Variants in PTGS1 observed in about 807,000 individuals in gnomAD.
PTGS1 encodes the protein prostaglandin-endoperoxide synthase 1, also known as prostaglandin G/H synthase 1.
Under a neutral mutation model 63.0 loss-of-function variants are expected in PTGS1, and 40 were observed. The ratio of observed to expected loss-of-function variants is 0.63; its 90% CI spans 0.49 to 0.83. The LOEUF is 0.83. PTGS1 is among the 40% of genes least tolerant of loss of function. The pLI is 0.00. For missense variants in PTGS1, 709 were observed against 786.5 expected (o/e 0.90, Z 1.18); for synonymous variants, 298 against 301.9 (o/e 0.99, Z 0.13).
Position 122,381,441 on chromosome 9 carries a change from C to T in PTGS1, c.567C>T (p.Asp189=), listed in dbSNP as rs907158454. 2.5e-6 allele frequency: 4 copies of T among 1,614,208 alleles called. No individual in the cohort carries two copies. The highest frequency in any genetic ancestry group is 1.1e-5 in the South Asian group (1 of 91,092). ...TGCTCAGGAGGAAGTTCATACCTGA[C>T]CCCCAAGGCACCAACCTCATGTTTG... ...RFLLRRKFIP[D]PQGTNLMFAF... is the part of the protein sequence containing the mutation. Residue 189 remains aspartate, a synonymous_variant, in exon 6 of 11, where the codon GAC becomes GAT. Coordinates refer to ENST00000362012, the MANE Select transcript of PTGS1 (RefSeq NM_000962.4).
chr9:122,378,534 A>G lies in PTGS1; in HGVS notation c.313A>G (p.Thr105Ala). The G allele has an allele frequency of 6.2e-7, 1 of 1,614,112 alleles. No homozygotes were observed. The highest frequency in any genetic ancestry group is 8.5e-7 in the Non-Finnish European group (1 of 1,180,016). ...GRWFWEFVNA[T>A]FIREMLMRLV... The stretch of plus-strand genomic sequence containing the variant: ...CTGGTTCTGGGAGTTTGTCAATGCC[A>G]CCTTCATCCGAGAGATGCTCATGCG... The change falls in exon 4 of 11, where the codon ACC (threonine) becomes GCC (alanine). Residue 105 changes from threonine to alanine, a missense_variant. Coordinates refer to ENST00000362012, the MANE Select transcript of PTGS1 (RefSeq NM_000962.4).
At chr9:122,370,711 G>C, upstream of PTGS1, 1 of 456,100 alleles carries the variant, frequency 2.2e-6, no homozygotes, top group Non-Finnish European at 3.9e-6. Context: ...TCTCTGCGGG[G>C]CAGGGTATGT....
rs10306142 is a variant in PTGS1 at position 122,379,503 on chromosome 9, T to A, written c.496+585T>A. On this transcript the variant is annotated intron_variant, in intron 5 of 10. Transcript: ENST00000362012. ...GCTCATCAGTCCACTGCTGCTATAC[T>A]CCAGTTCCTGCCACATGGTGGCACT... Among the ~76,000 whole-genome samples, 832 of 152,354 alleles carry A rather than the reference T, an allele frequency of 5.5e-3. 4 individuals carry two copies. Among genetic ancestry groups the A allele is most frequent in the African/African-American group, 0.019 (777 of 41,582 alleles).
chr9:122,374,828 C>T (rs1298522830), intron 2 of PTGS1, among the ~76,000 whole-genome samples: 1 of 152,166 alleles, frequency 6.6e-6, no homozygotes, highest in Non-Finnish European at 1.5e-5. Flanking sequence ...TCCCCAAATC[C>T]AGTCCTGGGT....
At chr9:122,387,309 GT>G (rs1837930933) in intron 9 of PTGS1, among the ~76,000 whole-genome samples, 1 of 152,094 alleles carries the variant, frequency 6.6e-6, no homozygotes, top group Non-Finnish European at 1.5e-5. Context: ...GGACATGGCA[GT>G]TTGAGGAACA....
rs1373654613 is a variant in PTGS1, at chr9:122,371,234, T to TC, written c.60dup (p.Val21ArgfsTer32). On this transcript the variant is annotated frameshift_variant, in exon 2 of 11. Coordinates refer to ENST00000362012, the MANE Select transcript of PTGS1 (RefSeq NM_000962.4). LOFTEE classifies it high-confidence loss of function. The stretch of plus-strand genomic sequence containing the variant: ...CTGTTCCTGCTCCTGCTCCCGCCGC[T>TC]CCCCGTCCTGCTCGCGGACCCAGGG... 6.2e-7 allele frequency: 1 copy of TC among 1,607,720 alleles called. No homozygotes were observed. The highest frequency in any genetic ancestry group is 8.5e-7 in the Non-Finnish European group (1 of 1,179,878).
intron 2 of PTGS1, 122 bp from the exon 3 acceptor site, chr9:122,377,777 T>TGATTCAGG: frequency 1.2e-6 from 1 of 823,500 alleles, no homozygotes; most frequent in Non-Finnish European, 2.0e-6. Flanking sequence ...TGGCACCCAG[T>TGATTCAGG]GATTCAGGAC....
rs1345277782 is a variant in PTGS1 at position 122,394,769 on chromosome 9, A to G, written c.*2225A>G. Reference sequence around the variant, plus strand: ...CATCCCCACAGCTGGCTCTGACAAGATGGTCCATTTGTTCCTGCTTCCGAG... The same window carrying G: ...CATCCCCACAGCTGGCTCTGACAAGGTGGTCCATTTGTTCCTGCTTCCGAG... On this transcript the variant is annotated 3_prime_UTR_variant, in exon 11 of 11. Coordinates refer to ENST00000362012, the MANE Select transcript of PTGS1 (RefSeq NM_000962.4). 6.6e-6 allele frequency: 1 copy of G among 151,966 alleles called. No homozygotes were observed. The highest frequency in any genetic ancestry group is 1.9e-4 in the East Asian group (1 of 5,166). 9.4% of individuals were successfully genotyped at this position (151,966 alleles called of 1,614,324 possible).
intron 2 of PTGS1, 22 bp from the exon 3 acceptor site, chr9:122,377,877 G>A: frequency 3.7e-6 from 6 of 1,607,924 alleles, no homozygotes. Context: ...CATGGTCTCT[G>A]ACCTCCATTT....
intron 9 of PTGS1, 53 bp downstream of exon 9, chr9:122,386,785 A>T (rs759082910): frequency 4.2e-5 from 66 of 1,584,856 alleles, no homozygotes; most frequent in Non-Finnish European, 5.4e-5. Context: ...GATCCAGCAG[A>T]CCTGGGTCCA....
intron 5 of PTGS1, 49 bp from the exon 6 acceptor site, chr9:122,381,322 G>A (rs1312837436): frequency 1.3e-6 from 2 of 1,580,358 alleles, no homozygotes; most frequent in Non-Finnish European, 1.7e-6. Flanking sequence ...CCCCAGGGCA[G>A]CAAGATCCAG....
At position 122,381,359 on chromosome 9, in the gene PTGS1, CCCCCCA is replaced by C; in HGVS notation, c.497-11_497-6del. 6.2e-7 allele frequency: 1 copy of C among 1,612,488 alleles called. No individual in the cohort carries two copies. The highest frequency in any genetic ancestry group is 8.5e-7 in the Non-Finnish European group (1 of 1,179,154). The stretch of plus-strand genomic sequence containing the variant: ...TAGGAGAAGCTACTGCTGTTTCCTA[CCCCCCA>C]ACCAGGGAAGAAGCAGTTGCCAGAT... On this transcript the variant is annotated splice_region_variant and splice_polypyrimidine_tract_variant and intron_variant, in intron 5 of 10. Transcript: ENST00000362012.
chr9:122,381,668 A>C lies in PTGS1; in HGVS notation c.683A>C (p.Asp228Ala). 8 of 1,614,132 alleles carry C rather than the reference A, an allele frequency of 5.0e-6. No homozygotes were observed. The highest frequency in any genetic ancestry group is 5.9e-6 in the Non-Finnish European group (7 of 1,180,000). Residue 228 changes from aspartate to alanine, a missense_variant, in exon 7 of 11, where the codon GAC (aspartate) becomes GCC (alanine). Coordinates refer to ENST00000362012, the MANE Select transcript of PTGS1 (RefSeq NM_000962.4). The part of the protein sequence containing the change: ...GFTKALGHGV[D>A]LGHIYGDNLE... ...GGAACCCCTCTCTGTCCACAGGTAGACCTCGGCCACATTTATGGAGACAAT... is the reference window on the plus strand; with the variant it reads ...GGAACCCCTCTCTGTCCACAGGTAGCCCTCGGCCACATTTATGGAGACAAT...
chr9:122,391,138 C>T (rs1838196858), intron 10 of PTGS1, among the ~76,000 whole-genome samples: 1 of 151,114 alleles, frequency 6.6e-6, no homozygotes, highest in South Asian at 2.1e-4. Context: ...GATTAAGATA[C>T]CAAATCTCAG....
rs3842790 is a variant in PTGS1 at position 122,378,008 on chromosome 9, C to T, written c.204C>T (p.Cys68=). 4,342 of 1,612,484 alleles carry T rather than the reference C, an allele frequency of 2.7e-3. 89 individuals carry two copies. The African/African-American group carries it at 0.048, about 18-fold the overall frequency. The change falls in exon 3 of 11, where the codon TGC becomes TGT. Residue 68 remains cysteine (C), a synonymous_variant. Coordinates refer to ENST00000362012, the MANE Select transcript of PTGS1 (RefSeq NM_000962.4). ...CTRTGYSGPN[C]TIPGLWTWLR... ...GCACGGGCTATTCCGGCCCCAACTGCACCATCCGTGAGCTGGGCCTTCAGC... is the reference window on the plus strand; with the variant it reads ...GCACGGGCTATTCCGGCCCCAACTGTACCATCCGTGAGCTGGGCCTTCAGC...
At position 122,371,051 on chromosome 9, in the gene PTGS1, T is replaced by G; in HGVS notation, c.-34T>G. ...TGTGCGAGGCGCACGCACAGGAGCC[T>G]GCACTCTGCGTCCCGCACCCCAGCA... On this transcript the variant is annotated 5_prime_UTR_variant, in exon 1 of 11. Coordinates refer to ENST00000362012, the MANE Select transcript of PTGS1 (RefSeq NM_000962.4). 4.4e-6 allele frequency: 7 copies of G among 1,582,224 alleles called. No individual in the cohort carries two copies. Among genetic ancestry groups the G allele is most frequent in the Non-Finnish European group, 6.0e-6 (7 of 1,171,770 alleles).
In PTGS1 at chr9:122,386,578, A is replaced by G. The variant is rs201913038; in HGVS notation, c.1142A>G (p.Asn381Ser). 1.2e-6 allele frequency: 2 copies of G among 1,614,164 alleles called. No individual in the cohort carries two copies. Among genetic ancestry groups the G allele is most frequent in the African/African-American group, 1.3e-5 (1 of 75,032 alleles). The part of the protein sequence containing the change: ...QYRNRIAMEF[N>S]HLYHWHPLMP... ...CGCAACCGCATTGCCATGGAGTTCA[A>G]CCATCTCTACCACTGGCACCCCCTC... The change falls in exon 9 of 11, where the codon AAC becomes AGC. Residue 381 changes from asparagine to serine, a missense_variant. Transcript: ENST00000362012.
chr9:122,371,379 G>T (rs1836796174), intron 2 of PTGS1, 107 bp downstream of exon 2: 1 of 1,535,826 alleles, frequency 6.5e-7, no homozygotes, highest in East Asian at 2.3e-5. Flanking sequence ...CTTTCTGCTC[G>T]CGGTGCTGAG....
At position 122,378,454 on chromosome 9, in the gene PTGS1, G is replaced by A. The variant is rs201201408; in HGVS notation, c.233G>A (p.Arg78Gln). The change falls in exon 4 of 11, where the codon CGG becomes CAG. Residue 78 changes from arginine (R) to glutamine (Q), a missense_variant. Transcript: ENST00000362012. ...GCAGCTGGCCTGTGGACCTGGCTCCGGAATTCACTGCGGCCCAGCCCCTCT... is the reference window on the plus strand; with the variant it reads ...GCAGCTGGCCTGTGGACCTGGCTCCAGAATTCACTGCGGCCCAGCCCCTCT... ...CTIPGLWTWL[R>Q]NSLRPSPSFT... 3.0e-5 allele frequency: 48 copies of A among 1,613,962 alleles called. No homozygotes were observed. The East Asian group carries it at 4.5e-4, about 15-fold the overall frequency.
Sources: gnomAD v4.1 joint callset for allele counts (sites outside exome capture counted in the v4.1 genomes callset) on GRCh38, gnomAD v4.1.1 for gene constraint, MANE v1.5 for transcripts, NCBI Gene and HGNC (gene_info 2026-07-23, HGNC 2026-07-21) for gene names.